The following TMPRSS11A variants were observed in gnomAD, a reference collection of about 807,000 sequenced individuals.
The protein encoded by TMPRSS11A is transmembrane serine protease 11A.
A neutral mutation model predicts 58.9 loss-of-function variants in TMPRSS11A; 53 were observed. That is an observed-to-expected ratio of 0.90 (90% CI 0.72 to 1.13). The LOEUF is 1.13. Among genes scored for constraint, TMPRSS11A ranks in the 50% most tolerant of loss-of-function variants. TMPRSS11A has a pLI of 0.00. For synonymous variants in TMPRSS11A, 167 were observed against 169.8 expected (o/e 0.98, Z 0.13); for missense variants, 493 against 499.3 (o/e 0.99, Z 0.12).
rs753471886 is a variant in TMPRSS11A at position 67,932,079 on chromosome 4, G to A, written c.253-19C>T. ...CATCCACCTGTTACACAACAAGAGAGAAACTATGTGTTAATAATATATTTT... is the reference window on the plus strand; with the variant it reads ...CATCCACCTGTTACACAACAAGAGAAAAACTATGTGTTAATAATATATTTT... On this transcript the variant is annotated intron_variant, in intron 3 of 9. Transcript: ENST00000508048. 2 of 1,356,100 alleles carry A rather than the reference G, an allele frequency of 1.5e-6. 1 individual carries two copies. Among genetic ancestry groups the A allele is most frequent in the Non-Finnish European group, 2.1e-6 (2 of 950,056 alleles). The allele number at this position is 1,356,100 out of a possible 1,614,324, so 84.0% of individuals were successfully genotyped here.
chr4:67,956,655 G>A (rs1721297912), intron 1 of TMPRSS11A, among the ~76,000 whole-genome samples: 1 of 152,272 alleles, frequency 6.6e-6, no homozygotes, highest in South Asian at 2.1e-4. Context: ...TTTAGTAAGT[G>A]TATAATAAAT....
intron 1 of TMPRSS11A, among the ~76,000 whole-genome samples, chr4:67,947,605 C>T (rs576413547): frequency 1.3e-5 from 2 of 152,126 alleles, no homozygotes; most frequent in East Asian, 3.8e-4. Flanking sequence ...GGCAAGAATA[C>T]TTCAAAGGTG....
chr4:67,937,322 T>A (rs1241032250), intron 3 of TMPRSS11A, among the ~76,000 whole-genome samples: 4 of 152,136 alleles, frequency 2.6e-5, no homozygotes, highest in Non-Finnish European at 5.9e-5. Context: ...TTACAGTTCC[T>A]CCTACCTTTG....
In TMPRSS11A at chr4:67,911,454, T is replaced by A. The variant is rs1719978012; in HGVS notation, c.1145A>T (p.Tyr382Phe). The change falls in exon 10 of 10, where the codon TAT becomes TTT. Residue 382 changes from tyrosine (Y) to phenylalanine (F), a missense_variant. Coordinates refer to ENST00000508048, the MANE Select transcript of TMPRSS11A (RefSeq NM_001114387.2). Reference sequence around the variant, plus strand: ...TCCCCAGCTTACAATTCCAATGAGATACCACGTATCTTTCAGATCCCTTGT... The same window carrying A: ...TCCCCAGCTTACAATTCCAATGAGAAACCACGTATCTTTCAGATCCCTTGT... ...LVTRDLKDTW[Y>F]LIGIVSWGDN... The A allele has an allele frequency of 3.7e-6, 6 of 1,613,524 alleles. No individual in the cohort carries two copies. The highest frequency in any genetic ancestry group is 5.1e-6 in the Non-Finnish European group (6 of 1,179,564).
intron 1 of TMPRSS11A, among the ~76,000 whole-genome samples, chr4:67,957,535 G>C (rs1303903759): frequency 6.6e-6 from 1 of 152,002 alleles, no homozygotes; most frequent in African/African-American, 2.4e-5. Flanking sequence ...GATGATTTAG[G>C]GTATCTGGAG....
intron 8 of TMPRSS11A, 149 bp downstream of exon 8, chr4:67,918,824 G>A (rs1720229448): frequency 4.3e-6 from 4 of 931,258 alleles, no homozygotes; most frequent in Non-Finnish European, 6.4e-6. Flanking sequence ...ACTGGTTAAT[G>A]TGAATTGAAT....
At chr4:67,946,360 T>A (rs1248136617) in intron 2 of TMPRSS11A, 90 bp downstream of exon 2, 2 of 1,371,076 alleles carry the variant, frequency 1.5e-6, no homozygotes, top group African/African-American at 3.0e-5. Context: ...AAATGTGCAA[T>A]TTTTTAGATG....
At chr4:67,948,139 GT>G (rs1315885549) in intron 1 of TMPRSS11A, among the ~76,000 whole-genome samples, 54 of 136,542 alleles carry the variant, frequency 4.0e-4, no homozygotes, top group Admixed American at 3.9e-3. Context: ...CTATAAAACA[GT>G]TTTTTTCTTT....
At chr4:67,935,990 A>T (rs1004930880) in intron 3 of TMPRSS11A, among the ~76,000 whole-genome samples, 1 of 152,166 alleles carries the variant, frequency 6.6e-6, no homozygotes, top group African/African-American at 2.4e-5. Flanking sequence ...TTTGCTTTCA[A>T]ATCAGCCCTC....
chr4:67,942,612 A>G (rs1720906694), intron 3 of TMPRSS11A, among the ~76,000 whole-genome samples: 2 of 152,228 alleles, frequency 1.3e-5, no homozygotes, highest in African/African-American at 4.8e-5. Flanking sequence ...GGGGACATAG[A>G]AATCCTCATG....
chr4:67,923,078 C>T (rs1371137067), intron 6 of TMPRSS11A, 152 bp from the exon 7 acceptor site: 7 of 684,020 alleles, frequency 1.0e-5, no homozygotes, highest in Non-Finnish European at 2.5e-6. Context: ...CCTCTTCTCT[C>T]TCACATTTCA....
intron 6 of TMPRSS11A, among the ~76,000 whole-genome samples, chr4:67,923,689 T>A (rs1267921604): frequency 1.3e-5 from 2 of 152,158 alleles, no homozygotes; most frequent in Non-Finnish European, 2.9e-5. Context: ...GTATTTTTAA[T>A]AGAGATGGGT....
chr4:67,962,547 G>C (rs1291233243), intron 1 of TMPRSS11A, among the ~76,000 whole-genome samples: 1 of 152,152 alleles, frequency 6.6e-6, no homozygotes, highest in East Asian at 1.9e-4. Context: ...TTTAAAATGG[G>C]AGTTAACGAT....
chr4:67,923,076 C>T (rs1192200799), intron 6 of TMPRSS11A, 150 bp from the exon 7 acceptor site: 7 of 685,242 alleles, frequency 1.0e-5, no homozygotes, highest in African/African-American at 1.8e-5. Context: ...GGCCTCTTCT[C>T]TCTCACATTT....
At chr4:67,913,226 T>G (rs1475172683) in intron 9 of TMPRSS11A, among the ~76,000 whole-genome samples, 1 of 152,100 alleles carries the variant, frequency 6.6e-6, no homozygotes, top group Non-Finnish European at 1.5e-5. Context: ...AAACTTAATC[T>G]CCAATACAAT....
chr4:67,913,236 T>C (rs1354772603), intron 9 of TMPRSS11A, among the ~76,000 whole-genome samples: 1 of 152,064 alleles, frequency 6.6e-6, no homozygotes, highest in Non-Finnish European at 1.5e-5. Flanking sequence ...TCCAATACAA[T>C]AGTGTTGAGA....
chr4:67,921,667 C>T (rs1720334615), intron 7 of TMPRSS11A, among the ~76,000 whole-genome samples: 1 of 152,112 alleles, frequency 6.6e-6, no homozygotes, highest in Admixed American at 6.6e-5. Context: ...GATTTATGCT[C>T]CTAGGCAAAT....
chr4:67,931,914 A>G, intron 4 of TMPRSS11A, 79 bp downstream of exon 4: 2 of 846,654 alleles, frequency 2.4e-6, no homozygotes, highest in Non-Finnish European at 4.0e-6. Context: ...ATGGAGACAT[A>G]CAATACATGA....
intron 1 of TMPRSS11A, among the ~76,000 whole-genome samples, chr4:67,952,724 C>A (rs1476385215): frequency 6.6e-6 from 1 of 152,152 alleles, no homozygotes; most frequent in Admixed American, 6.5e-5. Context: ...TTTTTCTATG[C>A]TTCCAAATAT....
Sources: allele counts gnomAD v4.1 joint callset (sites outside exome capture counted in the v4.1 genomes callset), GRCh38; gene constraint gnomAD v4.1.1; transcripts MANE v1.5; gene names NCBI Gene and HGNC (gene_info 2026-07-23, HGNC 2026-07-21).